Variants in FAP observed in about 807,000 individuals in gnomAD.
FAP encodes the protein prolyl endopeptidase FAP.
In FAP, 110 loss-of-function variants were observed where a neutral mutation model predicts 126.5. That is an observed-to-expected ratio of 0.87 (90% confidence interval 0.74 to 1.02). The LOEUF (loss-of-function observed/expected upper bound fraction) is 1.02. FAP is among the 50% of genes least tolerant of loss of function. The pLI is 0.00. For missense variants in FAP, 919 were observed against 909.2 expected, an observed-to-expected ratio of 1.01 and a Z score of -0.14; for synonymous variants, 334 against 297.3, an observed-to-expected ratio of 1.12 and a Z score of -1.27.
At chr2:162,195,094 CTG>C in intron 16 of FAP, 1 of 285,260 alleles carries the variant, frequency 3.5e-6, no homozygotes, top group Non-Finnish European at 6.7e-6. Context: ...CCAGTTTTGG[CTG>C]TGTCTTTATT....
intron 25 of FAP, chr2:162,171,397 T>A: frequency 5.3e-6 from 1 of 189,886 alleles, no homozygotes; most frequent in Non-Finnish European, 1.1e-5. Flanking sequence ...TTAATTTTGC[T>A]TCTTTGGAGT....
At chr2:162,196,537 C>A (rs1383869898) in intron 16 of FAP, among the ~76,000 whole-genome samples, 1 of 126,338 alleles carries the variant, frequency 7.9e-6, no homozygotes. Flanking sequence ...TTTTTTTTTG[C>A]CTAAAAAATG....
intron 2 of FAP, among the ~76,000 whole-genome samples, chr2:162,230,541 C>A (rs1052073866): frequency 4.6e-5 from 7 of 151,714 alleles, no homozygotes; most frequent in South Asian, 2.1e-4. Context: ...AAAAAAAAAA[C>A]CAACTTGACA....
intron 15 of FAP, among the ~76,000 whole-genome samples, chr2:162,199,621 T>A (rs1359187901): frequency 6.6e-6 from 1 of 152,136 alleles, no homozygotes; most frequent in East Asian, 1.9e-4. Context: ...CATGCCAGGG[T>A]CTGGACAGGT....
At chr2:162,218,599 AG>A (rs1689255857) in intron 8 of FAP, among the ~76,000 whole-genome samples, 1 of 151,368 alleles carries the variant, frequency 6.6e-6, no homozygotes, top group Non-Finnish European at 1.5e-5. Flanking sequence ...ATAGATAGAT[AG>A]ATAAATAGAT....
chr2:162,228,675 T>C (rs1208060057), intron 2 of FAP, among the ~76,000 whole-genome samples: 2 of 152,196 alleles, frequency 1.3e-5, no homozygotes, highest in Non-Finnish European at 2.9e-5. Context: ...GTGTACACTA[T>C]ACAGTTATTT....
chr2:162,192,416 G>A (rs1688081536), intron 17 of FAP, among the ~76,000 whole-genome samples: 1 of 151,872 alleles, frequency 6.6e-6, no homozygotes, highest in Non-Finnish European at 1.5e-5. Context: ...ATACTCTCAA[G>A]TTTATCCCCC....
At chr2:162,172,451 A>G (rs1029219986) in intron 25 of FAP, 1 of 184,334 alleles carries the variant, frequency 5.4e-6, no homozygotes, top group South Asian at 1.2e-4. Flanking sequence ...CTTACTGAAC[A>G]AACAGAATCT....
intron 17 of FAP, among the ~76,000 whole-genome samples, chr2:162,191,477 A>G (rs760307618): frequency 3.8e-4 from 58 of 152,204 alleles, no homozygotes; most frequent in Non-Finnish European, 7.2e-4. Flanking sequence ...CAAAGGGAGT[A>G]CAGGTCAGAC....
At chr2:162,192,367 C>T (rs756793198) in intron 17 of FAP, among the ~76,000 whole-genome samples, 3 of 151,962 alleles carry the variant, frequency 2.0e-5, no homozygotes, top group Admixed American at 6.6e-5. Context: ...TTATTTCCTC[C>T]TCCTTGAGCT....
Position 162,219,171 on chromosome 2 carries a change from G to A in FAP, c.499C>T (p.Gln167Ter). 6.2e-7 allele frequency: 1 copy of A among 1,605,786 alleles called. No individual in the cohort carries two copies. Among genetic ancestry groups the A allele is most frequent in the Non-Finnish European group, 8.5e-7 (1 of 1,175,894 alleles). Residue 167 changes from glutamine (Q) to a stop codon, truncating the protein, a stop_gained, in exon 8 of 26, where the codon CAA becomes TAA. Coordinates refer to ENST00000188790, the MANE Select transcript of FAP (RefSeq NM_004460.5). LOFTEE classifies it high-confidence loss of function. ...PVGSKLAYVYQNNIYLKQRPG... is the reference protein window; with the variant it reads ...PVGSKLAYVY The stretch of plus-strand genomic sequence containing the variant: ...CTTTGTTTCAAATAGATATTGTTTT[G>A]ATAGACATATGCCTAAAAGTGGTGG...
At chr2:162,176,393 T>C (rs1427149063) in intron 21 of FAP, 1 of 152,176 alleles carries the variant, frequency 6.6e-6, no homozygotes, top group Non-Finnish European at 1.5e-5. Flanking sequence ...GGGGCTCAGA[T>C]TGTACCATGG....
At chr2:162,242,837 C>T (rs1272633936) in intron 2 of FAP, 71 bp downstream of exon 2, 2 of 1,148,658 alleles carry the variant, frequency 1.7e-6, no homozygotes, top group African/African-American at 3.1e-5. Context: ...TGTTCAACCA[C>T]TTGTGATCTT....
intron 21 of FAP, 95 bp from the exon 22 acceptor site, chr2:162,175,061 G>A (rs2106212531): frequency 2.4e-6 from 2 of 828,808 alleles, no homozygotes; most frequent in South Asian, 1.6e-5. Flanking sequence ...CGGACTGAAG[G>A]GAGCTGGAGA....
intron 16 of FAP, chr2:162,198,426 G>T: frequency 9.2e-7 from 1 of 1,090,346 alleles, no homozygotes; most frequent in Non-Finnish European, 1.2e-6. Flanking sequence ...GGTTGCCTCT[G>T]CACGCAGTCT....
chr2:162,224,633 A>G, intron 4 of FAP, 93 bp from the exon 5 acceptor site: 1 of 671,674 alleles, frequency 1.5e-6, no homozygotes, highest in East Asian at 2.9e-5. Flanking sequence ...TTATCAACAT[A>G]CTCCTACATG....
Position 162,214,085 on chromosome 2 carries a change from A to G in FAP, c.867-12T>C. The G allele has an allele frequency of 6.2e-7, 1 of 1,612,972 alleles. No homozygotes were observed. The highest frequency in any genetic ancestry group is 8.5e-7 in the Non-Finnish European group (1 of 1,179,556). On this transcript the variant is annotated splice_polypyrimidine_tract_variant and intron_variant, in intron 10 of 25. Coordinates refer to ENST00000188790, the MANE Select transcript of FAP (RefSeq NM_004460.5). The stretch of plus-strand genomic sequence containing the variant: ...TGAAATAATAATCACTGCAAATAAA[A>G]TAGAAACAGGTAGTCACAACCATAA...
At chr2:162,211,851 C>T (rs1351102633) in intron 11 of FAP, among the ~76,000 whole-genome samples, 1 of 152,102 alleles carries the variant, frequency 6.6e-6, no homozygotes, top group African/African-American at 2.4e-5. Flanking sequence ...GGGCATGACT[C>T]TCAGCATGAA....
chr2:162,219,293 A>G, intron 7 of FAP, 110 bp from the exon 8 acceptor site: 2 of 1,036,554 alleles, frequency 1.9e-6, no homozygotes, highest in South Asian at 3.5e-5. Context: ...AGATACAAAA[A>G]AGATTCACAA....
Sources: allele counts gnomAD v4.1 joint callset (sites outside exome capture counted in the v4.1 genomes callset), GRCh38; gene constraint gnomAD v4.1.1; transcripts MANE v1.5; gene names NCBI Gene and HGNC (gene_info 2026-07-23, HGNC 2026-07-21).